The following TMPRSS9 variants were observed in gnomAD, a reference collection of about 807,000 sequenced individuals.
TMPRSS9 encodes transmembrane serine protease 9.
In TMPRSS9, 113 loss-of-function variants were observed where a neutral mutation model predicts 111.4. The ratio of observed to expected loss-of-function variants is 1.01; its 90% CI spans 0.87 to 1.19. The LOEUF (loss-of-function observed/expected upper bound fraction) is 1.19, where lower values mean the gene tolerates loss of function less well. Among genes scored for constraint, TMPRSS9 ranks in the 50% most tolerant of loss-of-function variants. The probability of loss-of-function intolerance (pLI) is 0.00; values close to 1 mark genes in which losing one functional copy is unlikely to be tolerated. For missense variants in TMPRSS9, 1,803 were observed against 1,513.1 expected (o/e 1.19, Z -3.18); for synonymous variants, 805 against 659.1 (o/e 1.22, Z -3.39).
At chr19:2,380,498 A>G (rs1970377862) in intron 1 of TMPRSS9, among the ~76,000 whole-genome samples, 1 of 151,090 alleles carries the variant, frequency 6.6e-6, no homozygotes, top group Non-Finnish European at 1.5e-5. Flanking sequence ...CTACTGGGGA[A>G]GCTGAGGCAG....
intron 9 of TMPRSS9, among the ~76,000 whole-genome samples, chr19:2,412,044 T>C (rs1451623844): frequency 6.6e-6 from 1 of 152,170 alleles, no homozygotes; most frequent in East Asian, 1.9e-4. Flanking sequence ...ACGTAAGTTA[T>C]TCTGTTGTAA....
upstream of TMPRSS9, among the ~76,000 whole-genome samples, chr19:2,388,982 G>C (rs1183561126): frequency 6.6e-6 from 1 of 151,872 alleles, no homozygotes; most frequent in Non-Finnish European, 1.5e-5. Context: ...AGCAGCTGTG[G>C]GAACTTCAGA....
chr19:2,391,738 G>GTT (rs1555677830), intron 1 of TMPRSS9, among the ~76,000 whole-genome samples: 1 of 95,998 alleles, frequency 1.0e-5, no homozygotes, highest in Non-Finnish European at 2.3e-5. Context: ...AGGAAAGGAA[G>GTT]TCTTTTTTTT....
At chr19:2,402,083 C>A in intron 5 of TMPRSS9, 67 bp downstream of exon 6, 2 of 1,534,584 alleles carry the variant, frequency 1.3e-6, no homozygotes, top group South Asian at 1.1e-5. Context: ...AGACTCATTT[C>A]AAGGAAGTGA....
chr19:2,424,618 C>T (rs569800724), intron 15 of TMPRSS9, among the ~76,000 whole-genome samples: 183 of 151,708 alleles, frequency 1.2e-3, no homozygotes, highest in African/African-American at 4.4e-3. Context: ...GACTTGGCTC[C>T]AGCCCCCCAA....
At position 2,425,147 on chromosome 19, in the gene TMPRSS9, C is replaced by T. The variant is rs77360217; in HGVS notation, c.2863C>T (p.Leu955=). 13,216 of 1,576,926 alleles carry T rather than the reference C, an allele frequency of 8.4e-3. 740 individuals are homozygous for T. The African/African-American group carries it at 0.14, about 17-fold the overall frequency. ...CGACTACGACGTGGCGCTGCTGGAG[C>T]TGGCGGGGCCGGTGCGTCGCAGCCG... Residue 955 remains leucine (L), a synonymous_variant, in exon 16 of 18, where the codon CTG becomes TTG. Transcript: ENST00000648592.
chr19:2,381,323 A>C (rs1970382994), intron 1 of TMPRSS9, among the ~76,000 whole-genome samples: 1 of 151,970 alleles, frequency 6.6e-6, no homozygotes. Flanking sequence ...CAGGGTCAGC[A>C]GAGGCAGCTG....
At chr19:2,388,841 C>A (rs978296212), upstream of TMPRSS9, among the ~76,000 whole-genome samples, 2 of 151,844 alleles carry the variant, frequency 1.3e-5, no homozygotes, top group African/African-American at 4.8e-5. Context: ...CCAGGCTGGT[C>A]TCAAACTCCT....
At chr19:2,414,928 T>C (rs1971190585) in intron 10 of TMPRSS9, among the ~76,000 whole-genome samples, 1 of 150,378 alleles carries the variant, frequency 6.6e-6, no homozygotes, top group Admixed American at 6.6e-5. Context: ...CAAAAACTGT[T>C]AGTTGCATTC....
chr19:2,384,642 C>T lies in TMPRSS9; in HGVS notation c.-25-5119C>T, dbSNP rs139734186. ...CATCCTGGCTAACGTGGTGAAACCC[C>T]GTCTCTACTAAAAATACAAAAAATT... On this transcript the variant is annotated intron_variant, in intron 1 of 17. Coordinates refer to the TMPRSS9 transcript ENST00000649857. Among the ~76,000 whole-genome samples the T allele has an allele frequency of 7.6e-3, 1,156 of 151,682 alleles. 10 individuals are homozygous for T. The highest frequency in any genetic ancestry group is 0.021 in the African/African-American group (884 of 41,378).
chr19:2,410,314 T>C (rs769750413), exon 9 of TMPRSS9: 1 of 1,614,076 alleles, frequency 6.2e-7, no homozygotes, highest in Admixed American at 1.7e-5. Flanking sequence ...CCAGGCACTG[T>C]GTGCCAGCTT....
chr19:2,423,654 G>C (rs577470923), intron 14 of TMPRSS9, among the ~76,000 whole-genome samples: 1 of 152,182 alleles, frequency 6.6e-6, no homozygotes, highest in South Asian at 2.1e-4. Flanking sequence ...GCTGGGTTCT[G>C]AGGAAGGCCT....
chr19:2,399,170 C>T (rs1970774894), exon 4 of TMPRSS9: 2 of 1,607,150 alleles, frequency 1.2e-6, no homozygotes, highest in African/African-American at 2.7e-5. Flanking sequence ...GCCTATGGCA[C>T]AATTGTGTCG....
upstream of TMPRSS9, among the ~76,000 whole-genome samples, chr19:2,388,952 A>G (rs1313895086): frequency 6.6e-6 from 1 of 151,634 alleles, no homozygotes; most frequent in Non-Finnish European, 1.5e-5. Context: ...TAAGCCCCCA[A>G]GCGTGGGGTC....
Position 2,422,252 on chromosome 19 carries a change from C to A in TMPRSS9, c.2548+5C>A, listed in dbSNP as rs923342774. The A allele has an allele frequency of 1.3e-6, 2 of 1,500,176 alleles. No individual in the cohort carries two copies. The highest frequency in any genetic ancestry group is 1.8e-6 in the Non-Finnish European group (2 of 1,129,490). The allele number at this position is 1,500,176 out of a possible 1,614,324, so 92.9% of individuals were successfully genotyped here. On this transcript the variant is annotated splice_donor_5th_base_variant and intron_variant, in intron 14 of 17. Transcript: ENST00000648592. ...CCACACACACCCAGCTACCAGGTAC[C>A]GGGAGAGACGGAGGGATCCCTGGGA... is the stretch of plus-strand genomic sequence containing the variant.
upstream of TMPRSS9, among the ~76,000 whole-genome samples, chr19:2,387,782 G>A (rs1970508671): frequency 6.6e-6 from 1 of 152,088 alleles, no homozygotes. Context: ...GGTGGGGTGT[G>A]AAGGTCAGGA....
chr19:2,425,344 C>G lies in TMPRSS9; in HGVS notation c.2984-13C>G. ...CGGTCCCCACCCGCCCCGTCTCGCT[C>G]GCCCGCCCGCAGGCTCCATGGCGCG... On this transcript the variant is annotated splice_polypyrimidine_tract_variant and intron_variant, in intron 16 of 17. Coordinates refer to ENST00000648592, the Ensembl canonical transcript of TMPRSS9. 1 of 1,466,900 alleles carries G rather than the reference C, an allele frequency of 6.8e-7. No individual in the cohort carries two copies. Among genetic ancestry groups the G allele is most frequent in the Non-Finnish European group, 9.0e-7 (1 of 1,113,430 alleles). The allele number at this position is 1,466,900 out of a possible 1,614,324, so 90.9% of individuals were successfully genotyped here. A position where few individuals can be genotyped will look rare whatever the true frequency, so the allele number is the denominator to read the frequency against.
chr19:2,384,616 C>G (rs930220648), intron 1 of TMPRSS9, among the ~76,000 whole-genome samples: 2 of 151,612 alleles, frequency 1.3e-5, no homozygotes, highest in Non-Finnish European at 2.9e-5. Context: ...GAGATCGAGA[C>G]CATCCTGGCT....
At chr19:2,413,019 C>A (rs1277713431) in intron 9 of TMPRSS9, among the ~76,000 whole-genome samples, 1 of 152,006 alleles carries the variant, frequency 6.6e-6, no homozygotes, top group African/African-American at 2.4e-5. Context: ...CATGGTGAAA[C>A]CCCGTCTCTA....
Sources: gnomAD v4.1 joint callset for allele counts (sites outside exome capture counted in the v4.1 genomes callset) on GRCh38, gnomAD v4.1.1 for gene constraint, MANE v1.5 for transcripts, NCBI Gene and HGNC (gene_info 2026-07-23, HGNC 2026-07-21) for gene names.